The following AGBL4 variants were observed in gnomAD, a reference collection of about 807,000 sequenced individuals.
AGBL4 encodes the protein AGBL carboxypeptidase 4.
AGBL4 carries 58 observed loss-of-function variants against 66.4 expected under a neutral mutation model. The observed-to-expected ratio is 0.87, with a 90% CI of 0.71 to 1.09. The LOEUF (loss-of-function observed/expected upper bound fraction) is 1.09. Among genes scored for constraint, AGBL4 ranks in the 50% least tolerant of loss-of-function variants. The probability of loss-of-function intolerance (pLI) is 0.00; values close to 1 mark genes in which losing one functional copy is unlikely to be tolerated. For synonymous variants in AGBL4, 234 were observed against 222.9 expected, an observed-to-expected ratio of 1.05 and a Z score of -0.44; for missense variants, 579 against 631.0, an observed-to-expected ratio of 0.92 and a Z score of 0.88.
intron 3 of AGBL4, among the ~76,000 whole-genome samples, chr1:49,500,312 G>T (rs1648021867): frequency 6.6e-6 from 1 of 151,660 alleles, no homozygotes; most frequent in Non-Finnish European, 1.5e-5. Flanking sequence ...AACATTTTCT[G>T]CCACTCTGTG....
chr1:49,803,756 AT>A (rs1200610430), intron 2 of AGBL4, among the ~76,000 whole-genome samples: 5 of 152,208 alleles, frequency 3.3e-5, no homozygotes, highest in Non-Finnish European at 7.4e-5. Context: ...TTTAGCAAAT[AT>A]GTCATTGCCA....
At chr1:49,331,913 T>G (rs539750648) in intron 3 of AGBL4, among the ~76,000 whole-genome samples, 2 of 152,268 alleles carry the variant, frequency 1.3e-5, no homozygotes, top group African/African-American at 4.8e-5. Context: ...CTCTGATCTC[T>G]CCCTGGGAAG....
chr1:49,619,046 C>T (rs572103248), intron 3 of AGBL4, among the ~76,000 whole-genome samples: 14 of 152,148 alleles, frequency 9.2e-5, no homozygotes, highest in South Asian at 4.1e-4. Context: ...GCATTCCCTT[C>T]GAAAACTGGC....
intron 4 of AGBL4, among the ~76,000 whole-genome samples, chr1:49,096,733 A>G (rs1385321810): frequency 6.6e-6 from 1 of 151,498 alleles, no homozygotes; most frequent in East Asian, 2.0e-4. Flanking sequence ...AGATATATCT[A>G]ATGTTAAATG....
At chr1:48,848,126 G>A (rs1646959505) in intron 6 of AGBL4, among the ~76,000 whole-genome samples, 1 of 152,146 alleles carries the variant, frequency 6.6e-6, no homozygotes, top group Non-Finnish European at 1.5e-5. Context: ...GTGAAGCCAG[G>A]GGACACTGAG....
intron 5 of AGBL4, among the ~76,000 whole-genome samples, chr1:48,972,928 T>C (rs1203691986): frequency 2.0e-5 from 3 of 152,300 alleles, no homozygotes; most frequent in African/African-American, 7.2e-5. Context: ...CCCTAAAATA[T>C]ACCTTTTGAT....
At chr1:49,179,749 G>A (rs1261036351) in intron 4 of AGBL4, among the ~76,000 whole-genome samples, 1 of 151,994 alleles carries the variant, frequency 6.6e-6, no homozygotes, top group Admixed American at 6.6e-5. Context: ...CTTAGTAAGA[G>A]AACAGATGTA....
chr1:49,222,454 T>G (rs535910854), intron 4 of AGBL4, among the ~76,000 whole-genome samples: 1 of 152,336 alleles, frequency 6.6e-6, no homozygotes, highest in East Asian at 1.9e-4. Context: ...GATATGCACG[T>G]TCTGCATATA....
At chr1:48,795,675 T>G (rs1001944761) in intron 6 of AGBL4, among the ~76,000 whole-genome samples, 3 of 152,188 alleles carry the variant, frequency 2.0e-5, no homozygotes, top group Admixed American at 6.5e-5. Context: ...TTTTTTGAGA[T>G]GGAGTCTTGC....
intron 3 of AGBL4, among the ~76,000 whole-genome samples, chr1:49,567,931 A>G (rs892925089): frequency 2.0e-5 from 3 of 152,236 alleles, no homozygotes; most frequent in Admixed American, 6.5e-5. Flanking sequence ...CATGTTTAAA[A>G]GTTTCAATAA....
intron 9 of AGBL4, among the ~76,000 whole-genome samples, chr1:48,597,315 A>AAAACAGATAAGAAC: frequency 6.6e-6 from 1 of 152,364 alleles, no homozygotes; most frequent in East Asian, 1.9e-4. Flanking sequence ...CAGGGTGAAC[A>AAAACAGATAAGAAC]AAACAGATAA....
chr1:49,528,137 A>T (rs1234401118), intron 3 of AGBL4, among the ~76,000 whole-genome samples: 3 of 152,086 alleles, frequency 2.0e-5, no homozygotes, highest in Non-Finnish European at 4.4e-5. Flanking sequence ...CACAGGGTAG[A>T]TTATAAGATA....
intron 5 of AGBL4, among the ~76,000 whole-genome samples, chr1:48,887,854 C>G (rs750927573): frequency 3.3e-5 from 5 of 152,124 alleles, no homozygotes; most frequent in African/African-American, 7.2e-5. Flanking sequence ...TCCTTGAGGA[C>G]CTATCTCCTC....
At chr1:48,689,374 CACCTACCTACCTACCTACCT>C (rs527261285) in intron 6 of AGBL4, among the ~76,000 whole-genome samples, 1 of 150,216 alleles carries the variant, frequency 6.7e-6, no homozygotes, top group Non-Finnish European at 1.5e-5. Context: ...GGATGACGGT[CACCTACCTACCTACCTACCT>C]ACCTACCTAC....
chr1:49,587,744 C>G (rs1644678280), intron 3 of AGBL4, among the ~76,000 whole-genome samples: 1 of 152,034 alleles, frequency 6.6e-6, no homozygotes, highest in South Asian at 2.1e-4. Context: ...AAATATTACT[C>G]CCCACAACAG....
chr1:48,911,710 C>T (rs1653127982), intron 5 of AGBL4, among the ~76,000 whole-genome samples: 1 of 151,884 alleles, frequency 6.6e-6, no homozygotes, highest in Non-Finnish European at 1.5e-5. Context: ...TAACCCAACA[C>T]CTAACACATT....
At chr1:49,436,811 C>A (rs1411615729) in intron 3 of AGBL4, among the ~76,000 whole-genome samples, 1 of 152,080 alleles carries the variant, frequency 6.6e-6, no homozygotes, top group African/African-American at 2.4e-5. Context: ...ACGTATTCAA[C>A]AATTTTAGAC....
chr1:48,987,792 G>A (rs960407934), intron 5 of AGBL4, among the ~76,000 whole-genome samples: 11 of 152,004 alleles, frequency 7.2e-5, no homozygotes, highest in Non-Finnish European at 1.0e-4. Context: ...AAACCTGATG[G>A]AATCTACATA....
rs541263272 is a variant in AGBL4 at position 48,606,775 on chromosome 1, CT to C, written c.952-15791del. Among the ~76,000 whole-genome samples the C allele has an allele frequency of 1.7e-3, 253 of 152,312 alleles. 4 individuals carry two copies. The highest frequency in any genetic ancestry group is 5.8e-3 in the African/African-American group (240 of 41,568). On this transcript the variant is annotated intron_variant, in intron 9 of 13. Transcript: ENST00000371839. ...TGTTTCTACTCAAAATACCTCCTTC[CT>C]TTCCCCATCACCTAAATCCATTTTC... is the stretch of plus-strand genomic sequence containing the variant.
Sources: allele counts gnomAD v4.1 joint callset (sites outside exome capture counted in the v4.1 genomes callset), GRCh38; gene constraint gnomAD v4.1.1; transcripts MANE v1.5; gene names NCBI Gene and HGNC (gene_info 2026-07-23, HGNC 2026-07-21).